DNAH14: variants seen among roughly 807,000 people sequenced by gnomAD.
DNAH14 encodes the protein dynein axonemal heavy chain 14.
Under a neutral mutation model 520.9 loss-of-function variants are expected in DNAH14, and 478 were observed. That is an observed-to-expected ratio of 0.92 (90% CI 0.85 to 0.99). The LOEUF (loss-of-function observed/expected upper bound fraction) is 0.99. DNAH14 is among the 50% of genes least tolerant of loss of function. DNAH14 has a pLI of 0.00. For synonymous variants in DNAH14, 1,581 were observed against 1,757.2 expected, an observed-to-expected ratio of 0.90 and a Z score of 2.51; for missense variants, 4,831 against 5,234.5, an observed-to-expected ratio of 0.92 and a Z score of 2.38.
chr1:225,110,609 G>GT (rs1176939828), intron 23 of DNAH14, among the ~76,000 whole-genome samples: 1 of 149,350 alleles, frequency 6.7e-6, no homozygotes, highest in Non-Finnish European at 1.5e-5. Flanking sequence ...TTTTCTTTAT[G>GT]TTTTTTTCTA....
chr1:225,103,505 A>G (rs1450269926), intron 23 of DNAH14, among the ~76,000 whole-genome samples: 2 of 152,038 alleles, frequency 1.3e-5, no homozygotes, highest in Non-Finnish European at 2.9e-5. Context: ...CACGATATTG[A>G]TTCTTTCTAC....
At chr1:225,205,295 C>T (rs954438190) in intron 39 of DNAH14, among the ~76,000 whole-genome samples, 18 of 151,964 alleles carry the variant, frequency 1.2e-4, no homozygotes, top group Non-Finnish European at 2.5e-4. Context: ...GCATTAGTGC[C>T]CTGAAAAAGG....
intron 27 of DNAH14, among the ~76,000 whole-genome samples, chr1:225,138,199 A>G (rs1357185475): frequency 6.6e-6 from 1 of 152,176 alleles, no homozygotes; most frequent in East Asian, 1.9e-4. Flanking sequence ...TGGTTAAAGA[A>G]GCAGCCTGGC....
At chr1:225,123,452 C>T (rs74147114) in intron 26 of DNAH14, 75 bp from the exon 27 acceptor site, 4,854 of 278,058 alleles carry the variant, frequency 0.017, 148 homozygotes, top group African/African-American at 0.077. Context: ...CCTGTGACCT[C>T]GTCATGCTTG....
chr1:225,296,509 GTT>G (rs71281019), intron 55 of DNAH14, among the ~76,000 whole-genome samples: 2 of 137,844 alleles, frequency 1.5e-5, no homozygotes, highest in African/African-American at 5.3e-5. Context: ...GTGGTGGGTG[GTT>G]TTTTTTTTTT....
At chr1:225,105,708 C>T (rs762250956) in intron 23 of DNAH14, among the ~76,000 whole-genome samples, 51 of 152,134 alleles carry the variant, frequency 3.4e-4, no homozygotes, top group African/African-American at 1.1e-3. Context: ...AAGATTGCAA[C>T]GCCTGCCCTT....
At chr1:225,343,072 A>G (rs927970992) in intron 69 of DNAH14, among the ~76,000 whole-genome samples, 8 of 152,158 alleles carry the variant, frequency 5.3e-5, no homozygotes, top group Admixed American at 1.3e-4. Flanking sequence ...CATTGTAGTT[A>G]CAAACTTTTC....
At chr1:224,941,475 T>C (rs560930296) in intron 1 of DNAH14, among the ~76,000 whole-genome samples, 11 of 152,240 alleles carry the variant, frequency 7.2e-5, no homozygotes, top group Non-Finnish European at 1.5e-4. Flanking sequence ...AGGTTGCCTG[T>C]TGACTCTGAT....
rs2093035282 is a variant in DNAH14, at chr1:225,264,203, A to G, written c.7164A>G (p.Leu2388=). 1 of 1,549,710 alleles carries G rather than the reference A, an allele frequency of 6.5e-7. No individual in the cohort carries two copies. Among genetic ancestry groups the G allele is most frequent in the South Asian group, 1.2e-5 (1 of 83,924 alleles). The change falls in exon 47 of 86, where the codon CTA becomes CTG. Residue 2388 remains leucine (L), a synonymous_variant. Transcript: ENST00000682510. The part of the protein sequence containing the change: ...LYSEIKKSSS[L]KQNITILIPE... The stretch of plus-strand genomic sequence containing the variant: ...TTAAAATATTTCATTCCAGTAGCCT[A>G]AAACAGAATATCACCATCTTGATTC...
At chr1:225,106,711 G>T (rs1311410043) in intron 23 of DNAH14, among the ~76,000 whole-genome samples, 1 of 152,148 alleles carries the variant, frequency 6.6e-6, no homozygotes, top group Admixed American at 6.5e-5. Context: ...TAGTTCTTGT[G>T]CCTTGGTTTT....
Position 225,240,699 on chromosome 1 carries a change from C to T in DNAH14, c.6625C>T (p.Arg2209Cys), listed in dbSNP as rs993935877. 17 of 1,550,718 alleles carry T rather than the reference C, an allele frequency of 1.1e-5. No homozygotes were observed. The highest frequency in any genetic ancestry group is 4.1e-5 in the African/African-American group (3 of 72,972). ...TTGGGCATTTGGAGGAGCTTTAAAC[C>T]GTGAAGATGAACACAGAGAAAATAT... ...FTWAFGGALN[R>C]EDEHRENIPF... Residue 2209 changes from arginine to cysteine, a missense_variant, in exon 43 of 86, where the codon CGT (arginine) becomes TGT (cysteine). Coordinates refer to ENST00000682510, the MANE Select transcript of DNAH14 (RefSeq NM_001367479.1).
At chr1:225,194,425 A>G (rs2085858576) in intron 38 of DNAH14, among the ~76,000 whole-genome samples, 1 of 152,146 alleles carries the variant, frequency 6.6e-6, no homozygotes, top group Admixed American at 6.6e-5. Flanking sequence ...AAAAATAAGC[A>G]GTGGCAAAAG....
chr1:225,173,493 A>G (rs2082943667), intron 36 of DNAH14, among the ~76,000 whole-genome samples: 1 of 152,242 alleles, frequency 6.6e-6, no homozygotes, highest in Non-Finnish European at 1.5e-5. Context: ...TTTGCAGCCA[A>G]AAGACACATG....
At chr1:224,934,402 G>C (rs1344226413) in intron 1 of DNAH14, among the ~76,000 whole-genome samples, 3 of 151,750 alleles carry the variant, frequency 2.0e-5, no homozygotes, top group Non-Finnish European at 4.4e-5. Flanking sequence ...AAATACATTT[G>C]AAAGCTTCAA....
At chr1:225,316,560 G>A (rs2094470591) in intron 60 of DNAH14, among the ~76,000 whole-genome samples, 3 of 152,180 alleles carry the variant, frequency 2.0e-5, no homozygotes, top group Non-Finnish European at 4.4e-5. Context: ...AGAATGCACC[G>A]TCCTTCATGG....
At chr1:225,272,874 A>G (rs972029253) in intron 51 of DNAH14, 81 bp from the exon 52 acceptor site, 51 of 1,343,848 alleles carry the variant, frequency 3.8e-5, no homozygotes, top group East Asian at 5.4e-5. Context: ...TGGATCATAA[A>G]CCTGCAAAAA....
chr1:225,249,536 C>A (rs571571244), intron 43 of DNAH14, among the ~76,000 whole-genome samples: 8 of 152,224 alleles, frequency 5.3e-5, no homozygotes, highest in African/African-American at 1.9e-4. Context: ...CAGATGGTGG[C>A]CCAGGGAAGG....
At chr1:225,142,562 C>T (rs1353229465) in intron 28 of DNAH14, among the ~76,000 whole-genome samples, 3 of 152,176 alleles carry the variant, frequency 2.0e-5, no homozygotes, top group African/African-American at 7.2e-5. Context: ...TTGCAAGTAT[C>T]CAATCTGATC....
At chr1:225,387,250 G>T (rs1012326715) in intron 81 of DNAH14, among the ~76,000 whole-genome samples, 6 of 152,042 alleles carry the variant, frequency 3.9e-5, no homozygotes, top group African/African-American at 1.2e-4. Context: ...GTGGGGGGGA[G>T]GGGGAGGGAT....
Sources: allele counts gnomAD v4.1 joint callset (sites outside exome capture counted in the v4.1 genomes callset), GRCh38; gene constraint gnomAD v4.1.1; transcripts MANE v1.5; gene names NCBI Gene and HGNC (gene_info 2026-07-23, HGNC 2026-07-21).